Variants in KDR observed in about 807,000 individuals in gnomAD.
KDR encodes kinase insert domain receptor, also known as vascular endothelial growth factor receptor 2.
KDR carries 43 observed loss-of-function variants against 160.9 expected under a neutral mutation model. That is an observed-to-expected ratio of 0.27 (90% CI 0.21 to 0.34). The LOEUF is 0.34. Ranked by LOEUF, KDR falls within the 10% of genes least tolerant of loss-of-function variation. The pLI, the probability that KDR is intolerant of heterozygous loss-of-function variation, is 1.00. For synonymous variants in KDR, 617 were observed against 600.1 expected (o/e 1.03, Z -0.41); for missense variants, 1,469 against 1,666.4 (o/e 0.88, Z 2.06).
At chr4:55,092,798 T>A (rs1319584069) in intron 21 of KDR, 84 bp from the exon 22 acceptor site, 17 of 984,440 alleles carry the variant, frequency 1.7e-5, no homozygotes, top group Non-Finnish European at 2.7e-5. Context: ...AATAATCTTT[T>A]TAAGACTTGG....
intron 3 of KDR, among the ~76,000 whole-genome samples, 170 bp from the exon 4 acceptor site, chr4:55,115,581 G>GGTGTGTGTGTATGTGT (rs955577000): frequency 1.3e-5 from 2 of 149,830 alleles, no homozygotes; most frequent in Non-Finnish European, 2.9e-5. Context: ...GCTACATGAG[G>GGTGTGTGTGTATGTGT]GTGTGTGTGT....
rs587778425 is a variant in KDR, at chr4:55,098,765, C to G, written c.2305G>C (p.Val769Leu). 6.2e-7 allele frequency: 1 copy of G among 1,613,306 alleles called. No individual in the cohort carries two copies. Among genetic ancestry groups the G allele is most frequent in the African/African-American group, 1.3e-5 (1 of 74,972 alleles). Reference protein sequence around the residue: ...EKTNLEIIILVGTAVIAMFFW... With the variant: ...EKTNLEIIILLGTAVIAMFFW... ...AACATGGCAATCACCGCCGTGCCTA[C>G]TAGAATAATGATTTCCAAGTTCGTC... The change falls in exon 16 of 30, where the codon GTA becomes CTA. Residue 769 changes from valine to leucine, a missense_variant. By Grantham distance (32) the Val-to-Leu change is conservative. Coordinates refer to ENST00000263923, the MANE Select transcript of KDR (RefSeq NM_002253.4).
At chr4:55,114,036 TG>T in intron 6 of KDR, 89 bp downstream of exon 6, 1 of 1,359,746 alleles carries the variant, frequency 7.4e-7, no homozygotes, top group Non-Finnish European at 1.1e-6. Context: ...ACATTTTATC[TG>T]GCCAAAGAGG....
intron 27 of KDR, among the ~76,000 whole-genome samples, chr4:55,083,553 T>C (rs1468111517): frequency 6.6e-6 from 1 of 152,078 alleles, no homozygotes; most frequent in Admixed American, 6.5e-5. Context: ...TTCTTGAGAA[T>C]GCTCCTTCCC....
chr4:55,100,129 G>A (rs889209554), intron 15 of KDR, among the ~76,000 whole-genome samples: 1 of 152,120 alleles, frequency 6.6e-6, no homozygotes, highest in South Asian at 2.1e-4. Context: ...GAATCAAACC[G>A]GGCCACAAGC....
chr4:55,097,527 A>C, intron 18 of KDR, 135 bp downstream of exon 18: 2 of 660,226 alleles, frequency 3.0e-6, no homozygotes, highest in Non-Finnish European at 5.5e-6. Flanking sequence ...CAATTTGCAC[A>C]AGGGCATTAT....
At chr4:55,097,968 G>C (rs1365658133) in intron 17 of KDR, among the ~76,000 whole-genome samples, 169 bp downstream of exon 17, 3 of 151,754 alleles carry the variant, frequency 2.0e-5, no homozygotes, top group Non-Finnish European at 4.4e-5. Flanking sequence ...ATTACATAGG[G>C]ACCCTACCTC....
At chr4:55,109,931 C>T (rs1261531185) in intron 9 of KDR, among the ~76,000 whole-genome samples, 1 of 152,186 alleles carries the variant, frequency 6.6e-6, no homozygotes, top group Non-Finnish European at 1.5e-5. Context: ...CCCAACCAAG[C>T]CAACAGTGTC....
chr4:55,082,822 T>G (rs1719770288), intron 27 of KDR, among the ~76,000 whole-genome samples, 187 bp from the exon 28 acceptor site: 1 of 152,186 alleles, frequency 6.6e-6, no homozygotes, highest in African/African-American at 2.4e-5. Context: ...AGAAAGTACA[T>G]TTAAAAGTAT....
chr4:55,094,694 A>T, intron 21 of KDR, 108 bp downstream of exon 21: 1 of 1,012,936 alleles, frequency 9.9e-7, no homozygotes, highest in Non-Finnish European at 1.6e-6. Flanking sequence ...CTTTCAAATT[A>T]TGAGGTAGTA....
intron 21 of KDR, 129 bp from the exon 22 acceptor site, chr4:55,092,843 A>T: frequency 5.7e-6 from 4 of 706,534 alleles, no homozygotes; most frequent in Non-Finnish European, 7.7e-6. Flanking sequence ...GCAGAGAGTC[A>T]ATGCTTCTAT....
At position 55,088,877 on chromosome 4, in the gene KDR, A is replaced by G. The variant is rs76466720; in HGVS notation, c.3501T>C (p.Asn1167=). 7.4e-4 allele frequency: 1,200 copies of G among 1,613,350 alleles called. No individual in the cohort carries two copies. Among genetic ancestry groups the G allele is most frequent in the Non-Finnish European group, 9.3e-4 (1,102 of 1,179,278 alleles). The stretch of plus-strand genomic sequence containing the variant: ...GATGGAGGTGACAAACCTGCTGAGC[A>G]TTAGCTTGCAAGAGATTTCCCAAAT... The part of the protein sequence containing the change: ...VEHLGNLLQA[N]AQQDGKDYIV... Residue 1167 remains asparagine, a synonymous_variant, in exon 26 of 30, where the codon AAT becomes AAC. Transcript: ENST00000263923.
chr4:55,087,889 T>C lies in KDR; in HGVS notation c.3511-131A>G. 12 of 825,682 alleles carry C rather than the reference T, an allele frequency of 1.5e-5. 1 individual carries two copies. Among genetic ancestry groups the C allele is most frequent in the South Asian group, 1.1e-4 (8 of 72,008 alleles). 51.1% of individuals were successfully genotyped at this position (825,682 alleles called of 1,614,324 possible). A position where few individuals can be genotyped will look rare whatever the true frequency, so the allele number is the denominator to read the frequency against. Reference sequence around the variant, plus strand: ...GCTTTCATATCTGAACATAGAACTTTAAGACAACAATACAAATCATGTGTC... The same window carrying C: ...GCTTTCATATCTGAACATAGAACTTCAAGACAACAATACAAATCATGTGTC... On this transcript the variant is annotated intron_variant, in intron 26 of 29. Transcript: ENST00000263923.
chr4:55,095,322 C>T (rs1720122959), intron 20 of KDR, among the ~76,000 whole-genome samples: 2 of 152,142 alleles, frequency 1.3e-5, no homozygotes, highest in Admixed American at 6.6e-5. Context: ...CCTCTGCCCT[C>T]CCCTTTCCTC....
At position 55,078,631 on chromosome 4, in the gene KDR, A is replaced by G. The variant is rs1416828441; in HGVS notation, c.*1310T>C. On this transcript the variant is annotated 3_prime_UTR_variant, in exon 30 of 30. Transcript: ENST00000263923. ...ATATATTACATTTGTTTCTACATAA[A>G]CAGACTATAAATATATGTGCCATAG... 4.3e-6 allele frequency: 1 copy of G among 232,686 alleles called. No individual in the cohort carries two copies. Among genetic ancestry groups the G allele is most frequent in the East Asian group, 6.1e-5 (1 of 16,460 alleles). 14.4% of individuals were successfully genotyped at this position (232,686 alleles called of 1,614,324 possible).
intron 7 of KDR, among the ~76,000 whole-genome samples, chr4:55,111,262 A>T (rs557881990): frequency 3.3e-5 from 5 of 152,174 alleles, no homozygotes; most frequent in Non-Finnish European, 7.3e-5. Flanking sequence ...TTCCGGGTTG[A>T]TATGTTAAAT....
chr4:55,122,109 C>CGG (rs1420799139), intron 1 of KDR, among the ~76,000 whole-genome samples: 26 of 152,162 alleles, frequency 1.7e-4, no homozygotes, highest in African/African-American at 5.8e-4. Flanking sequence ...AAGCCCTGAA[C>CGG]TCATCCTGAC....
At chr4:55,095,014 T>C in intron 20 of KDR, 59 bp from the exon 21 acceptor site, 1 of 1,506,434 alleles carries the variant, frequency 6.6e-7, no homozygotes, top group Non-Finnish European at 9.2e-7. Flanking sequence ...CTTTAAAAGT[T>C]TACAACCTTT....
At chr4:55,089,915 C>T (rs1560514102) in intron 23 of KDR, 41 bp downstream of exon 23, 1 of 1,612,462 alleles carries the variant, frequency 6.2e-7, no homozygotes, top group Non-Finnish European at 8.5e-7. Context: ...AGTTTTAATT[C>T]TGTTACTTAA....
Sources: gnomAD v4.1 joint callset for allele counts (sites outside exome capture counted in the v4.1 genomes callset) on GRCh38, gnomAD v4.1.1 for gene constraint, MANE v1.5 for transcripts, NCBI Gene and HGNC (gene_info 2026-07-23, HGNC 2026-07-21) for gene names.